PIP5K1B: variants seen among roughly 807,000 people sequenced by gnomAD.
The protein encoded by PIP5K1B is phosphatidylinositol-4-phosphate 5-kinase type 1 beta.
Under a neutral mutation model 67.0 loss-of-function variants are expected in PIP5K1B, and 42 were observed. The observed-to-expected ratio is 0.63, with a 90% confidence interval of 0.49 to 0.81. PIP5K1B has a LOEUF of 0.81. Among genes scored for constraint, PIP5K1B ranks in the 30% least tolerant of loss-of-function variants. The pLI is 0.00. For missense variants in PIP5K1B, 459 were observed against 646.3 expected, an observed-to-expected ratio of 0.71 and a Z score of 3.14; for synonymous variants, 214 against 231.4, an observed-to-expected ratio of 0.92 and a Z score of 0.68.
rs2132055726 is a variant in PIP5K1B at position 68,818,555 on chromosome 9, T to C, written c.-1+10T>C. On this transcript the variant is annotated intron_variant, in intron 3 of 15. Coordinates refer to ENST00000265382, the MANE Select transcript of PIP5K1B (RefSeq NM_003558.4). ...CATTTCATTTACAAAGGTAAGGAAATAAAGTCTGTATTTTTAATTAATTCT... is the reference window on the plus strand; with the variant it reads ...CATTTCATTTACAAAGGTAAGGAAACAAAGTCTGTATTTTTAATTAATTCT... 2 of 152,742 alleles carry C rather than the reference T, an allele frequency of 1.3e-5. No homozygotes were observed. Among genetic ancestry groups the C allele is most frequent in the Middle Eastern group, 3.4e-3 (1 of 294 alleles). The allele number at this position is 152,742 out of a possible 1,614,324, so 9.5% of individuals were successfully genotyped here.
intron 1 of PIP5K1B, among the ~76,000 whole-genome samples, chr9:68,728,292 G>T (rs1173284814): frequency 6.6e-6 from 1 of 152,124 alleles, no homozygotes; most frequent in Non-Finnish European, 1.5e-5. Context: ...TCTGGTGAGG[G>T]CTCACTTTAT....
At chr9:68,797,669 T>C (rs1231067996) in intron 2 of PIP5K1B, among the ~76,000 whole-genome samples, 1 of 152,218 alleles carries the variant, frequency 6.6e-6, no homozygotes, top group African/African-American at 2.4e-5. Flanking sequence ...TGTCTTGGAT[T>C]TAATTGCTTA....
At chr9:68,817,708 C>G (rs113778653) in intron 2 of PIP5K1B, among the ~76,000 whole-genome samples, 1,824 of 141,786 alleles carry the variant, frequency 0.013, 37 homozygotes, top group African/African-American at 0.044. Context: ...GATAAGACCT[C>G]ATTCTTTTTT....
chr9:68,752,687 G>C (rs1829696016), intron 2 of PIP5K1B, among the ~76,000 whole-genome samples: 1 of 152,022 alleles, frequency 6.6e-6, no homozygotes, highest in African/African-American at 2.4e-5. Context: ...CCTTTAGTCA[G>C]TCTTCTCTGG....
At chr9:68,853,173 C>G (rs1822580227) in intron 4 of PIP5K1B, among the ~76,000 whole-genome samples, 1 of 152,134 alleles carries the variant, frequency 6.6e-6, no homozygotes, top group South Asian at 2.1e-4. Context: ...ATGCAGCTGG[C>G]CCAAACCCCA....
intron 2 of PIP5K1B, among the ~76,000 whole-genome samples, chr9:68,767,443 A>T (rs1324295192): frequency 6.6e-6 from 1 of 151,932 alleles, no homozygotes; most frequent in Non-Finnish European, 1.5e-5. Flanking sequence ...AAAATACAAA[A>T]ATTAGCCAGG....
chr9:68,906,873 C>G (rs981575626), intron 8 of PIP5K1B, among the ~76,000 whole-genome samples: 1 of 152,192 alleles, frequency 6.6e-6, no homozygotes, highest in African/African-American at 2.4e-5. Flanking sequence ...CACAGAGATT[C>G]TCCATCCTCT....
In PIP5K1B at chr9:68,797,940, C is replaced by T. The variant is rs143960335; in HGVS notation, c.-85-20521C>T. On this transcript the variant is annotated intron_variant, in intron 2 of 15. Coordinates refer to ENST00000265382, the MANE Select transcript of PIP5K1B (RefSeq NM_003558.4). The stretch of plus-strand genomic sequence containing the variant: ...ACCAGAGGTTTAGACTAAATAGATA[C>T]GCTGTAAGAGAGCCATAATGATCTT... 3.3e-3 allele frequency among the ~76,000 whole-genome samples: 504 copies of T among 152,226 alleles called. 1 individual carries two copies. The highest frequency in any genetic ancestry group is 0.01 in the African/African-American group (427 of 41,540).
intron 6 of PIP5K1B, among the ~76,000 whole-genome samples, chr9:68,883,823 TAAAC>T (rs1347434703): frequency 6.6e-5 from 4 of 60,622 alleles, no homozygotes; most frequent in African/African-American, 1.7e-4. Context: ...AGCCCAGAAA[TAAAC>T]ACACACACAC....
At chr9:68,934,479 G>A (rs17406856) in intron 12 of PIP5K1B, among the ~76,000 whole-genome samples, 4,801 of 152,228 alleles carry the variant, frequency 0.032, 85 homozygotes, top group Non-Finnish European at 0.046. Flanking sequence ...AACCAGGGTC[G>A]TGAGAATTCT....
chr9:68,894,778 G>A (rs1824994028), intron 8 of PIP5K1B, 140 bp downstream of exon 8: 1 of 763,154 alleles, frequency 1.3e-6, no homozygotes, highest in Non-Finnish European at 2.1e-6. Flanking sequence ...TCCTGGCGCT[G>A]AGCCATGCTT....
chr9:68,776,239 A>G (rs1406553551), intron 2 of PIP5K1B, among the ~76,000 whole-genome samples: 4 of 152,148 alleles, frequency 2.6e-5, no homozygotes, highest in Admixed American at 2.0e-4. Context: ...CATTCATTCA[A>G]TTTGGATTCA....
At chr9:68,914,582 G>A (rs1826006347) in intron 8 of PIP5K1B, among the ~76,000 whole-genome samples, 1 of 152,126 alleles carries the variant, frequency 6.6e-6, no homozygotes, top group Admixed American at 6.5e-5. Flanking sequence ...AGGCGTGGTG[G>A]CAGGCGCCTG....
chr9:68,812,510 T>A (rs1042127502), intron 2 of PIP5K1B, among the ~76,000 whole-genome samples: 9 of 152,220 alleles, frequency 5.9e-5, no homozygotes, highest in African/African-American at 1.9e-4. Context: ...ACACCATAGG[T>A]TAGCTCTCTT....
At chr9:68,764,967 T>G (rs1830360482) in intron 2 of PIP5K1B, among the ~76,000 whole-genome samples, 1 of 152,170 alleles carries the variant, frequency 6.6e-6, no homozygotes, top group Non-Finnish European at 1.5e-5. Flanking sequence ...AAGGCCCATG[T>G]AAATTCCCTG....
chr9:68,961,016 C>T (rs1047264531), intron 14 of PIP5K1B, among the ~76,000 whole-genome samples: 2 of 151,922 alleles, frequency 1.3e-5, no homozygotes, highest in Non-Finnish European at 2.9e-5. Context: ...CGAGACCATC[C>T]TGGCTAACAA....
intron 4 of PIP5K1B, among the ~76,000 whole-genome samples, chr9:68,842,783 G>A (rs1222455282): frequency 3.3e-5 from 5 of 152,162 alleles, no homozygotes; most frequent in African/African-American, 9.7e-5. Context: ...AAGAAGTCTC[G>A]AATCCAAAAT....
intron 13 of PIP5K1B, among the ~76,000 whole-genome samples, chr9:68,939,195 C>T (rs1447592417): frequency 6.6e-6 from 1 of 152,204 alleles, no homozygotes; most frequent in Non-Finnish European, 1.5e-5. Context: ...GGAAACACTT[C>T]TCTCCCTCAA....
chr9:68,741,620 A>G (rs1829012783), intron 1 of PIP5K1B: 1 of 152,262 alleles, frequency 6.6e-6, no homozygotes. Flanking sequence ...TGACCTCTAC[A>G]AATAGTTTTG....
Sources: allele counts gnomAD v4.1 joint callset (sites outside exome capture counted in the v4.1 genomes callset), GRCh38; gene constraint gnomAD v4.1.1; transcripts MANE v1.5; gene names NCBI Gene and HGNC (gene_info 2026-07-23, HGNC 2026-07-21).